Variants in COL23A1 observed in about 807,000 individuals in gnomAD.
COL23A1 encodes the protein collagen type XXIII alpha 1 chain, also known as collagen alpha-1(XXIII) chain.
COL23A1 carries 97 observed loss-of-function variants against 99.3 expected under a neutral mutation model. The observed-to-expected ratio is 0.98, with a 90% confidence interval of 0.83 to 1.16. The LOEUF (loss-of-function observed/expected upper bound fraction) is 1.16, where lower values mean the gene tolerates loss of function less well. COL23A1 is among the 50% of genes most tolerant of loss of function. The probability of loss-of-function intolerance (pLI) is 0.00; values close to 1 mark genes in which losing one functional copy is unlikely to be tolerated. For missense variants in COL23A1, 762 were observed against 757.4 expected, an observed-to-expected ratio of 1.01 and a Z score of -0.07; for synonymous variants, 320 against 308.2, an observed-to-expected ratio of 1.04 and a Z score of -0.40.
chr5:178,280,348 G>A lies in COL23A1; in HGVS notation c.441+7976C>T, dbSNP rs866943416. Among the ~76,000 whole-genome samples, 4 of 152,130 alleles carry A rather than the reference G, an allele frequency of 2.6e-5. No homozygotes were observed. Among genetic ancestry groups the A allele is most frequent in the African/African-American group, 9.7e-5 (4 of 41,444 alleles). On this transcript the variant is annotated intron_variant, in intron 5 of 28. Transcript: ENST00000390654. The surrounding 1 kb of genome is among the most constrained non-coding windows in gnomAD (Gnocchi z 4.9). ...TGGGAACGGTCCCTGAACCCAGTCC[G>A]TGTGCCCAACTCTGAAGCTCTCCTG...
At chr5:178,382,553 T>G (rs1180925040) in intron 2 of COL23A1, among the ~76,000 whole-genome samples, 2 of 152,082 alleles carry the variant, frequency 1.3e-5, no homozygotes, top group Admixed American at 6.5e-5. Flanking sequence ...GGTGAACCGA[T>G]ACCCCACCAT....
At chr5:178,422,544 A>G (rs1765690028) in intron 2 of COL23A1, among the ~76,000 whole-genome samples, 1 of 152,100 alleles carries the variant, frequency 6.6e-6, no homozygotes, top group African/African-American at 2.4e-5. Flanking sequence ...GAGGCACATC[A>G]TCCCCCCGCT....
intron 2 of COL23A1, among the ~76,000 whole-genome samples, chr5:178,379,562 T>C (rs1763263191): frequency 6.6e-6 from 1 of 152,146 alleles, no homozygotes; most frequent in South Asian, 2.1e-4. Context: ...ACCCCTGTAA[T>C]TAATAGAGAA....
chr5:178,430,252 C>T (rs1456749479), intron 2 of COL23A1, among the ~76,000 whole-genome samples: 1 of 152,196 alleles, frequency 6.6e-6, no homozygotes, highest in African/African-American at 2.4e-5. Flanking sequence ...TTCTCCCATG[C>T]AAGCAATTAA....
chr5:178,281,212 A>AT lies in COL23A1; in HGVS notation c.441+7111dup, dbSNP rs1342888521. 6.6e-6 allele frequency among the ~76,000 whole-genome samples: 1 copy of AT among 152,178 alleles called. No individual in the cohort carries two copies. The highest frequency in any genetic ancestry group is 1.5e-5 in the Non-Finnish European group (1 of 68,018). ...GATGTTGAAATCTAAAAACAGATGA[A>AT]TTTGGGATATTTCAGATAAATCGTT... On this transcript the variant is annotated intron_variant, in intron 5 of 28. Transcript: ENST00000390654. This position sits in a 1 kb window ranked among gnomAD's most constrained non-coding sequence, Gnocchi z 4.0.
At chr5:178,509,131 T>C (rs1254026279) in intron 2 of COL23A1, among the ~76,000 whole-genome samples, 1 of 152,186 alleles carries the variant, frequency 6.6e-6, no homozygotes, top group African/African-American at 2.4e-5. Flanking sequence ...CAGTAGCCCC[T>C]GAGGGCTTGT....
chr5:178,352,043 C>A (rs190490808), intron 2 of COL23A1: 1 of 152,362 alleles, frequency 6.6e-6, no homozygotes, highest in Admixed American at 6.5e-5. Flanking sequence ...GTTGTTGAAA[C>A]CACCCGGTCT....
chr5:178,526,555 G>T (rs1381177018), intron 2 of COL23A1, among the ~76,000 whole-genome samples: 1 of 152,184 alleles, frequency 6.6e-6, no homozygotes, highest in Non-Finnish European at 1.5e-5. Flanking sequence ...CCAGAGCCCA[G>T]TAAATTCTCT....
At chr5:178,458,465 C>T (rs575841942) in intron 2 of COL23A1, among the ~76,000 whole-genome samples, 3 of 152,044 alleles carry the variant, frequency 2.0e-5, no homozygotes, top group East Asian at 1.9e-4. Flanking sequence ...AGTGAAACTC[C>T]GTCTTGACTA....
chr5:178,558,543 T>C (rs924043406), intron 2 of COL23A1, among the ~76,000 whole-genome samples: 1 of 152,174 alleles, frequency 6.6e-6, no homozygotes, highest in African/African-American at 2.4e-5. Flanking sequence ...GGGCCTTTTT[T>C]ATTCCAGACT....
intron 2 of COL23A1, among the ~76,000 whole-genome samples, chr5:178,368,896 C>T (rs1762644155): frequency 6.6e-6 from 1 of 152,268 alleles, no homozygotes; most frequent in African/African-American, 2.4e-5. Context: ...ATGCCCACGT[C>T]CCTGCACCCC....
chr5:178,261,570 A>G (rs2127552459), intron 11 of COL23A1, 152 bp downstream of exon 11: 4 of 635,882 alleles, frequency 6.3e-6, no homozygotes, highest in East Asian at 5.2e-5. Context: ...AGAGAGATGC[A>G]GTAACTTGCC....
In COL23A1 at chr5:178,238,591, C is replaced by T. The variant is rs896578448; in HGVS notation, c.*107G>A. 67 of 1,450,938 alleles carry T rather than the reference C, an allele frequency of 4.6e-5. No individual in the cohort carries two copies. The highest frequency in any genetic ancestry group is 6.0e-5 in the Non-Finnish European group (62 of 1,038,470). 89.9% of individuals were successfully genotyped at this position (1,450,938 alleles called of 1,614,324 possible). A position where few individuals can be genotyped will look rare whatever the true frequency, so the allele number is the denominator to read the frequency against. The stretch of plus-strand genomic sequence containing the variant: ...GGCATACTCTTGAATGTTAAAAGGC[C>T]ACAGGTAGCGCATTCCATGAAAAAA... On this transcript the variant is annotated 3_prime_UTR_variant, in exon 29 of 29. Transcript: ENST00000390654.
intron 22 of COL23A1, among the ~76,000 whole-genome samples, chr5:178,247,144 G>A (rs752595424): frequency 4.6e-5 from 7 of 152,124 alleles, no homozygotes; most frequent in Non-Finnish European, 8.8e-5. Context: ...CTTAGACTGT[G>A]GCAGCTGAGA....
chr5:178,296,474 T>C (rs1194158880), intron 3 of COL23A1, among the ~76,000 whole-genome samples: 2 of 152,138 alleles, frequency 1.3e-5, no homozygotes, highest in Non-Finnish European at 2.9e-5. Flanking sequence ...AGATACGCAC[T>C]TCACGACCCC....
At chr5:178,457,188 G>A (rs1030869232) in intron 2 of COL23A1, among the ~76,000 whole-genome samples, 4 of 152,084 alleles carry the variant, frequency 2.6e-5, no homozygotes, top group Non-Finnish European at 4.4e-5. Flanking sequence ...AAAAGTCAAA[G>A]GTGAAGATGT....
chr5:178,441,453 C>A (rs910017564), intron 2 of COL23A1, among the ~76,000 whole-genome samples: 1 of 152,064 alleles, frequency 6.6e-6, no homozygotes, highest in African/African-American at 2.4e-5. Flanking sequence ...CCTGTTCACA[C>A]ACTATTGAGA....
chr5:178,374,898 C>A (rs981220532), intron 2 of COL23A1, among the ~76,000 whole-genome samples: 14 of 152,116 alleles, frequency 9.2e-5, no homozygotes, highest in Admixed American at 4.6e-4. Context: ...TATTGAATAA[C>A]CCCAATAACC....
intron 11 of COL23A1, among the ~76,000 whole-genome samples, chr5:178,259,999 C>CA (rs1420405727): frequency 6.6e-6 from 1 of 152,232 alleles, no homozygotes; most frequent in Non-Finnish European, 1.5e-5. Flanking sequence ...CCTGCCGTCT[C>CA]AGAGGGTTTT....
Sources: gnomAD v4.1 joint callset for allele counts (sites outside exome capture counted in the v4.1 genomes callset) on GRCh38, gnomAD v4.1.1 for gene constraint, Gnocchi (gnomAD v3.1) non-coding constraint, MANE v1.5 for transcripts, NCBI Gene and HGNC (gene_info 2026-07-23, HGNC 2026-07-21) for gene names.